The following IGF2BP3 variants were observed in gnomAD, a reference collection of about 807,000 sequenced individuals.
IGF2BP3 encodes the protein insulin-like growth factor 2 mRNA-binding protein 3.
Under a neutral mutation model 73.8 loss-of-function variants are expected in IGF2BP3, and 9 were observed. That is an observed-to-expected ratio of 0.12 (90% CI 0.07 to 0.21). The LOEUF is 0.21. IGF2BP3 is among the 10% of genes least tolerant of loss of function. The pLI, the probability that IGF2BP3 is intolerant of heterozygous loss-of-function variation, is 1.00. For missense variants in IGF2BP3, 542 were observed against 714.0 expected (o/e 0.76, Z 2.75); for synonymous variants, 258 against 256.7 (o/e 1.01, Z -0.05).
At chr7:23,390,258 A>G (rs1365455397) in intron 3 of IGF2BP3, among the ~76,000 whole-genome samples, 1 of 152,220 alleles carries the variant, frequency 6.6e-6, no homozygotes, top group African/African-American at 2.4e-5. Context: ...GAAGTATGAA[A>G]GGTAATATGC....
intron 2 of IGF2BP3, among the ~76,000 whole-genome samples, chr7:23,434,348 A>G (rs1237509054): frequency 6.6e-6 from 1 of 152,174 alleles, no homozygotes; most frequent in African/African-American, 2.4e-5. Flanking sequence ...ATCATTATCA[A>G]ATTATACCAC....
chr7:23,408,572 G>A (rs192836025), intron 3 of IGF2BP3, among the ~76,000 whole-genome samples: 2 of 152,298 alleles, frequency 1.3e-5, no homozygotes, highest in African/African-American at 4.8e-5. Flanking sequence ...AAACAGTACA[G>A]CTGCTATGGA....
chr7:23,405,414 C>CT lies in IGF2BP3; in HGVS notation c.285+13361dup, dbSNP rs770485873. 4.6e-5 allele frequency among the ~76,000 whole-genome samples: 7 copies of CT among 152,338 alleles called. No homozygotes were observed. The Middle Eastern group carries it at 0.01, about 222-fold the overall frequency. On this transcript the variant is annotated intron_variant, in intron 3 of 14. Coordinates refer to ENST00000258729, the MANE Select transcript of IGF2BP3 (RefSeq NM_006547.3). ...CTACAGAAACTGAAGTGATTTGCTT[C>CT]TTTTTTTCCCTCTGCTATGCCCCAG...
At chr7:23,412,372 A>T (rs1787050921) in intron 3 of IGF2BP3, among the ~76,000 whole-genome samples, 1 of 152,234 alleles carries the variant, frequency 6.6e-6, no homozygotes, top group African/African-American at 2.4e-5. Flanking sequence ...AATTAAGTCC[A>T]GGAAAAAAAT....
chr7:23,449,645 C>A (rs1788151063), intron 2 of IGF2BP3, among the ~76,000 whole-genome samples: 1 of 150,626 alleles, frequency 6.6e-6, no homozygotes, highest in African/African-American at 2.4e-5. Flanking sequence ...CAAACCTCCG[C>A]CTCCCAGGCT....
At chr7:23,391,023 C>G (rs1290557757) in intron 3 of IGF2BP3, among the ~76,000 whole-genome samples, 2 of 151,058 alleles carry the variant, frequency 1.3e-5, no homozygotes, top group African/African-American at 2.4e-5. Context: ...AGTCTTGAAC[C>G]CTTGGCCTCA....
At chr7:23,468,328 C>G (rs1055870845) in intron 2 of IGF2BP3, among the ~76,000 whole-genome samples, 154 bp downstream of exon 2, 4 of 152,220 alleles carry the variant, frequency 2.6e-5, no homozygotes, top group Admixed American at 6.5e-5. Context: ...AACACACACA[C>G]CCCCGCCATA....
At chr7:23,411,068 C>T (rs1186395679) in intron 3 of IGF2BP3, among the ~76,000 whole-genome samples, 3 of 152,206 alleles carry the variant, frequency 2.0e-5, no homozygotes, top group African/African-American at 7.2e-5. Context: ...AAGGCACCTA[C>T]CGAGAACATG....
chr7:23,462,343 T>C (rs1298437104), intron 2 of IGF2BP3, among the ~76,000 whole-genome samples: 8 of 151,690 alleles, frequency 5.3e-5, no homozygotes, highest in Non-Finnish European at 8.8e-5. Flanking sequence ...TATAGTTCAA[T>C]AGATTCCTCT....
intron 2 of IGF2BP3, among the ~76,000 whole-genome samples, chr7:23,427,750 G>T (rs1787553164): frequency 6.6e-6 from 1 of 152,122 alleles, no homozygotes; most frequent in Admixed American, 6.5e-5. Flanking sequence ...GCTCACGCCT[G>T]TAATCCCAGC....
intron 2 of IGF2BP3, among the ~76,000 whole-genome samples, chr7:23,446,005 A>C (rs1562757724): frequency 2.6e-5 from 4 of 152,330 alleles, no homozygotes; most frequent in African/African-American, 9.6e-5. Flanking sequence ...AAAATGAAGC[A>C]CAAGCAAAGA....
intron 2 of IGF2BP3, among the ~76,000 whole-genome samples, chr7:23,440,940 C>A (rs1787918049): frequency 6.6e-6 from 1 of 152,184 alleles, no homozygotes; most frequent in Admixed American, 6.5e-5. Context: ...ATCTATCAGA[C>A]ATCATTTAAA....
intron 5 of IGF2BP3, 71 bp downstream of exon 5, chr7:23,361,463 G>GA: frequency 1.5e-6 from 2 of 1,332,604 alleles, no homozygotes; most frequent in Non-Finnish European, 2.1e-6. Context: ...TCTCAGTTGA[G>GA]AAATCCGCAA....
rs376005541 is a variant in IGF2BP3, at chr7:23,394,127, T to G, written c.285+24649A>C. On this transcript the variant is annotated intron_variant, in intron 3 of 14. Transcript: ENST00000258729. Reference sequence around the variant, plus strand: ...AGGTAATCTAGTTCACACAACAAGGTCTTTCAGCTACAGACACACCTGCAC... The same window carrying G: ...AGGTAATCTAGTTCACACAACAAGGGCTTTCAGCTACAGACACACCTGCAC... Among the ~76,000 whole-genome samples, 21 of 152,168 alleles carry G rather than the reference T, an allele frequency of 1.4e-4. 1 individual carries two copies. The highest frequency in any genetic ancestry group is 9.2e-4 in the Admixed American group (14 of 15,280).
At chr7:23,459,549 G>C (rs1788395978) in intron 2 of IGF2BP3, among the ~76,000 whole-genome samples, 1 of 152,112 alleles carries the variant, frequency 6.6e-6, no homozygotes, top group African/African-American at 2.4e-5. Flanking sequence ...AACTGGACTT[G>C]GGGCCAGGTG....
intron 3 of IGF2BP3, among the ~76,000 whole-genome samples, chr7:23,377,283 A>C (rs560706562): frequency 4.9e-4 from 75 of 152,192 alleles, no homozygotes; most frequent in Non-Finnish European, 1.0e-3. Context: ...CTCAACACTA[A>C]AAGGCCAAAT....
chr7:23,355,188 A>G (rs1290616960), intron 5 of IGF2BP3, among the ~76,000 whole-genome samples: 2 of 151,744 alleles, frequency 1.3e-5, no homozygotes, highest in East Asian at 1.9e-4. Context: ...TCCAACATGT[A>G]TATTACTCAG....
intron 3 of IGF2BP3, among the ~76,000 whole-genome samples, chr7:23,399,935 A>G (rs182750973): frequency 6.6e-6 from 1 of 152,298 alleles, no homozygotes; most frequent in East Asian, 1.9e-4. Context: ...ACCATCTCCC[A>G]CTGAGCCATA....
chr7:23,386,699 C>T (rs1250470884), intron 3 of IGF2BP3, among the ~76,000 whole-genome samples: 3 of 152,142 alleles, frequency 2.0e-5, no homozygotes, highest in African/African-American at 7.2e-5. Flanking sequence ...TACTTAAGTA[C>T]GGGTTGTGCA....
Sources: gnomAD v4.1 joint callset for allele counts (sites outside exome capture counted in the v4.1 genomes callset) on GRCh38, gnomAD v4.1.1 for gene constraint, MANE v1.5 for transcripts, NCBI Gene and HGNC (gene_info 2026-07-23, HGNC 2026-07-21) for gene names.